The following MYO1E variants were observed in gnomAD, a reference collection of about 807,000 sequenced individuals.
MYO1E encodes the protein myosin IE, also known as unconventional myosin-Ie.
In MYO1E, 68 loss-of-function variants were observed where a neutral mutation model predicts 151.1. The observed-to-expected ratio is 0.45, with a 90% CI of 0.37 to 0.55. The LOEUF (loss-of-function observed/expected upper bound fraction) is 0.55, where lower values mean the gene tolerates loss of function less well. MYO1E is among the 20% of genes least tolerant of loss of function. MYO1E has a pLI of 0.00. For missense variants in MYO1E, 1,363 were observed against 1,389.3 expected (o/e 0.98, Z 0.30); for synonymous variants, 601 against 501.7 (o/e 1.20, Z -2.64).
At chr15:59,256,539 A>T (rs1375769093) in intron 3 of MYO1E, among the ~76,000 whole-genome samples, 161 bp from the exon 4 acceptor site, 1 of 152,202 alleles carries the variant, frequency 6.6e-6, no homozygotes, top group East Asian at 1.9e-4. Flanking sequence ...TAAAGGTTGC[A>T]TGATACAAGA....
chr15:59,318,396 C>A (rs2080602621), intron 1 of MYO1E, among the ~76,000 whole-genome samples: 1 of 152,188 alleles, frequency 6.6e-6, no homozygotes. Flanking sequence ...TCCCACCACA[C>A]TGTCCTGGAA....
intron 10 of MYO1E, 111 bp downstream of exon 10, chr15:59,217,780 G>T: frequency 3.3e-6 from 4 of 1,198,506 alleles, no homozygotes; most frequent in Non-Finnish European, 2.5e-6. Flanking sequence ...CTCCCACCTT[G>T]GCCTCTCAAA....
At chr15:59,210,624 C>G in intron 12 of MYO1E, 24 bp from the exon 13 acceptor site, 3 of 1,497,700 alleles carry the variant, frequency 2.0e-6, no homozygotes, top group Non-Finnish European at 2.8e-6. Context: ...ACAAGGAACT[C>G]ACATTATTTC....
intron 1 of MYO1E, among the ~76,000 whole-genome samples, chr15:59,324,207 A>C (rs1390821741): frequency 5.9e-5 from 9 of 152,004 alleles, no homozygotes; most frequent in Non-Finnish European, 1.2e-4. Flanking sequence ...GAAAACCCAG[A>C]CTCCAATTAA....
chr15:59,264,911 C>G (rs1425879410), intron 2 of MYO1E: 1 of 152,088 alleles, frequency 6.6e-6, no homozygotes, highest in African/African-American at 2.4e-5. Context: ...GCCTGTAGTT[C>G]CTGCTGAGGT....
rs562156935 is a variant in MYO1E at position 59,194,677 on chromosome 15, C to T, written c.1805+784G>A. ...GGTCCTCTCTGTAGTTTAAGTCTCTCCCTCCTTCCCATGCTTCTATGGACA... is the reference window on the plus strand; with the variant it reads ...GGTCCTCTCTGTAGTTTAAGTCTCTTCCTCCTTCCCATGCTTCTATGGACA... On this transcript the variant is annotated intron_variant, in intron 17 of 27. Coordinates refer to ENST00000288235, the MANE Select transcript of MYO1E (RefSeq NM_004998.4). 1.8e-4 allele frequency among the ~76,000 whole-genome samples: 27 copies of T among 152,318 alleles called. 1 individual carries two copies. In the South Asian group the frequency reaches 4.8e-3, roughly 27 times the overall value.
At chr15:59,214,822 C>G in intron 10 of MYO1E, 102 bp from the exon 11 acceptor site, 2 of 890,480 alleles carry the variant, frequency 2.2e-6, no homozygotes, top group Non-Finnish European at 3.8e-6. Context: ...GCAAACACTA[C>G]TGCTTGCAGG....
intron 1 of MYO1E, among the ~76,000 whole-genome samples, chr15:59,333,361 C>T (rs1452431199): frequency 6.6e-6 from 1 of 152,108 alleles, no homozygotes; most frequent in Non-Finnish European, 1.5e-5. Context: ...ACCACAGCAA[C>T]CCCCGGAGTA....
rs1292122898 is a variant in MYO1E, at chr15:59,180,127, C to T, written c.1905-1590G>A. Reference sequence around the variant, plus strand: ...TCTTGCCTGATAATATCATAAACTTCCTAGAGAGGTAAATCCTCCTATTCC... The same window carrying T: ...TCTTGCCTGATAATATCATAAACTTTCTAGAGAGGTAAATCCTCCTATTCC... On this transcript the variant is annotated intron_variant, in intron 18 of 27. Transcript: ENST00000288235. 2.0e-5 allele frequency among the ~76,000 whole-genome samples: 3 copies of T among 152,282 alleles called. No homozygotes were observed. In the East Asian group the frequency reaches 5.8e-4, roughly 29 times the overall value.
At chr15:59,208,630 C>T in intron 14 of MYO1E, 51 bp downstream of exon 14, 1 of 1,608,388 alleles carries the variant, frequency 6.2e-7, no homozygotes, top group Non-Finnish European at 8.5e-7. Flanking sequence ...AACCAGATCA[C>T]AAACCCAAAG....
At position 59,217,961 on chromosome 15, in the gene MYO1E, T is replaced by C. The variant is rs1466547274; in HGVS notation, c.1037A>G (p.Glu346Gly). Residue 346 changes from glutamate (E) to glycine (G), a missense_variant, in exon 10 of 28, where the codon GAG becomes GGG. By Grantham distance (98) the Glu-to-Gly change is moderately conservative (BLOSUM62 -2). Coordinates refer to ENST00000288235, the MANE Select transcript of MYO1E (RefSeq NM_004998.4). Reference protein sequence around the residue: ...SESIHVTLNVEQACYTRDALA... With the variant: ...SESIHVTLNVGQACYTRDALA... Reference sequence around the variant, plus strand: ...CGCATCCCGGGTGTAACAGGCCTGCTCTACGTTGAGGGTCACGTGGATGGA... The same window carrying C: ...CGCATCCCGGGTGTAACAGGCCTGCCCTACGTTGAGGGTCACGTGGATGGA... 1.2e-6 allele frequency: 2 copies of C among 1,614,236 alleles called. No individual in the cohort carries two copies.
intron 16 of MYO1E, among the ~76,000 whole-genome samples, chr15:59,196,972 G>A (rs1233310049): frequency 1.2e-5 from 1 of 81,714 alleles, no homozygotes; most frequent in Non-Finnish European, 2.9e-5. Flanking sequence ...TTTTAGTTTT[G>A]TATTTAATTA....
chr15:59,285,052 C>T (rs1457352264), intron 1 of MYO1E, among the ~76,000 whole-genome samples: 1 of 152,174 alleles, frequency 6.6e-6, no homozygotes, highest in Non-Finnish European at 1.5e-5. Context: ...CCCACATCAC[C>T]ACTCTTGTTT....
chr15:59,273,121 G>A (rs568254793), intron 1 of MYO1E, among the ~76,000 whole-genome samples: 1 of 152,312 alleles, frequency 6.6e-6, no homozygotes, highest in South Asian at 2.1e-4. Context: ...CAGACGAAAC[G>A]AGATCACGGA....
At chr15:59,254,769 G>A (rs914455593) in intron 4 of MYO1E, among the ~76,000 whole-genome samples, 2 of 152,048 alleles carry the variant, frequency 1.3e-5, no homozygotes, top group Non-Finnish European at 2.9e-5. Context: ...AATTCTAGGT[G>A]ATGAGAATAT....
At chr15:59,332,023 T>C (rs542728179) in intron 1 of MYO1E, among the ~76,000 whole-genome samples, 31 of 152,360 alleles carry the variant, frequency 2.0e-4, no homozygotes, top group African/African-American at 6.5e-4. Flanking sequence ...GCCTGAAATC[T>C]AGGTTCTAGA....
chr15:59,178,912 C>T (rs190958821), intron 18 of MYO1E, among the ~76,000 whole-genome samples: 1 of 152,332 alleles, frequency 6.6e-6, no homozygotes, highest in African/African-American at 2.4e-5. Flanking sequence ...TTCTTCAGGG[C>T]ATTTAACACT....
At chr15:59,202,984 G>A (rs1162674952) in intron 15 of MYO1E, among the ~76,000 whole-genome samples, 2 of 152,208 alleles carry the variant, frequency 1.3e-5, no homozygotes, top group African/African-American at 4.8e-5. Flanking sequence ...GGACTCAAGA[G>A]GTGCTCCTGC....
At chr15:59,274,076 A>C (rs1382231429) in intron 1 of MYO1E, among the ~76,000 whole-genome samples, 3 of 149,384 alleles carry the variant, frequency 2.0e-5, no homozygotes, top group African/African-American at 7.3e-5. Context: ...TTCGATGGGA[A>C]ACACAGATCC....
Sources: gnomAD v4.1 joint callset for allele counts (sites outside exome capture counted in the v4.1 genomes callset) on GRCh38, gnomAD v4.1.1 for gene constraint, MANE v1.5 for transcripts, NCBI Gene and HGNC (gene_info 2026-07-23, HGNC 2026-07-21) for gene names.